LPXN: variants seen among roughly 807,000 people sequenced by gnomAD.
LPXN encodes leupaxin.
LPXN carries 28 observed loss-of-function variants against 45.6 expected under a neutral mutation model. The observed-to-expected ratio is 0.61, with a 90% CI of 0.45 to 0.84. The LOEUF (loss-of-function observed/expected upper bound fraction) is 0.84, where lower values mean the gene tolerates loss of function less well. Ranked by LOEUF, LPXN falls within the 40% of genes least tolerant of loss-of-function variation. LPXN has a pLI of 0.00. For missense variants in LPXN, 459 were observed against 475.0 expected, an observed-to-expected ratio of 0.97 and a Z score of 0.31; for synonymous variants, 166 against 169.9, an observed-to-expected ratio of 0.98 and a Z score of 0.18.
chr11:58,551,313 C>T (rs1854045971), intron 4 of LPXN, 81 bp from the exon 5 acceptor site: 1 of 1,191,592 alleles, frequency 8.4e-7, no homozygotes, highest in Non-Finnish European at 1.1e-6. Flanking sequence ...TATAAATTCA[C>T]CTCTACTGAC....
chr11:58,543,005 T>C (rs1422206934), intron 7 of LPXN, among the ~76,000 whole-genome samples: 1 of 152,176 alleles, frequency 6.6e-6, no homozygotes, highest in Non-Finnish European at 1.5e-5. Context: ...GAAACTCACT[T>C]CCCTGAGATA....
At position 58,540,028 on chromosome 11, in the gene LPXN, G is replaced by C. The variant is rs1329596427; in HGVS notation, c.742+9758C>G. ...CCAGTCATTATACACCTCTTGATGTGATTCAACAAGAAGTATACTGCACCC... is the reference window on the plus strand; with the variant it reads ...CCAGTCATTATACACCTCTTGATGTCATTCAACAAGAAGTATACTGCACCC... On this transcript the variant is annotated intron_variant, in intron 7 of 8. Coordinates refer to ENST00000395074, the MANE Select transcript of LPXN (RefSeq NM_004811.3). 2.0e-5 allele frequency among the ~76,000 whole-genome samples: 3 copies of C among 152,036 alleles called. No homozygotes were observed. The East Asian group carries it at 5.8e-4, about 29-fold the overall frequency.
rs1420699250 is a variant in LPXN, at chr11:58,570,671, C to T, written c.56G>A (p.Ser19Asn). 1.9e-6 allele frequency: 3 copies of T among 1,613,964 alleles called. No individual in the cohort carries two copies. The highest frequency in any genetic ancestry group is 2.5e-6 in the Non-Finnish European group (3 of 1,179,916). Residue 19 changes from serine (S) to asparagine (N), a missense_variant, in exon 2 of 9, where the codon AGT (serine) becomes AAT (asparagine). By Grantham distance (46) the Ser-to-Asn change is conservative. Transcript: ENST00000395074. ...EELERSTLQD[S>N]DEYSNPAPLP... is the part of the protein sequence containing the mutation. ...AGGAGCTGGGTTGGAATATTCATCA[C>T]TGTCCTGAAGGGTGGAGCGTTCCAG...
chr11:58,555,316 A>G (rs1288579384), intron 3 of LPXN, among the ~76,000 whole-genome samples: 1 of 152,226 alleles, frequency 6.6e-6, no homozygotes, highest in Non-Finnish European at 1.5e-5. Context: ...ACAGTTGGGT[A>G]GTTGCTACAA....
chr11:58,536,048 T>C (rs1220842177), intron 7 of LPXN, among the ~76,000 whole-genome samples: 2 of 152,202 alleles, frequency 1.3e-5, no homozygotes, highest in Non-Finnish European at 2.9e-5. Context: ...TGCTTCTGGA[T>C]AGGAAGAACC....
At chr11:58,577,360 G>A (rs1171643512), upstream of LPXN, among the ~76,000 whole-genome samples, 1 of 152,230 alleles carries the variant, frequency 6.6e-6, no homozygotes, top group Non-Finnish European at 1.5e-5. Flanking sequence ...CTAATATGAA[G>A]TGGTATCTGA....
upstream of LPXN, among the ~76,000 whole-genome samples, chr11:58,576,531 G>C (rs1854896840): frequency 6.6e-6 from 1 of 152,154 alleles, no homozygotes; most frequent in Non-Finnish European, 1.5e-5. Context: ...TAACACTGAG[G>C]TTAACTCTTC....
chr11:58,562,935 C>A (rs1261222861), intron 3 of LPXN, among the ~76,000 whole-genome samples: 3 of 152,040 alleles, frequency 2.0e-5, no homozygotes, highest in Non-Finnish European at 4.4e-5. Flanking sequence ...GGGGTCAGCT[C>A]CCCTGGAATA....
chr11:58,560,056 T>C (rs1854325821), intron 3 of LPXN, among the ~76,000 whole-genome samples: 1 of 152,216 alleles, frequency 6.6e-6, no homozygotes, highest in South Asian at 2.1e-4. Flanking sequence ...ATTTTCACCC[T>C]ATGTATACAT....
chr11:58,551,291 TTC>T, intron 4 of LPXN, 59 bp from the exon 5 acceptor site: 5 of 1,411,592 alleles, frequency 3.5e-6, no homozygotes, highest in Non-Finnish European at 3.8e-6. Flanking sequence ...CATTGGCATC[TTC>T]TAATGACTCT....
At chr11:58,529,180 A>T (rs1030868321) in intron 7 of LPXN, among the ~76,000 whole-genome samples, 6 of 152,220 alleles carry the variant, frequency 3.9e-5, no homozygotes, top group African/African-American at 1.4e-4. Flanking sequence ...GCTACATAAA[A>T]ATATATCTGA....
At chr11:58,535,244 C>T (rs2120212364) in intron 7 of LPXN, among the ~76,000 whole-genome samples, 1 of 152,290 alleles carries the variant, frequency 6.6e-6, no homozygotes, top group African/African-American at 2.4e-5. Context: ...GCCAATATCC[C>T]TGATGAACAT....
chr11:58,577,315 T>C (rs1418811050), upstream of LPXN, among the ~76,000 whole-genome samples: 1 of 152,078 alleles, frequency 6.6e-6, no homozygotes, highest in Admixed American at 6.5e-5. Flanking sequence ...CCTATGAAAA[T>C]GGAAAATACT....
At chr11:58,536,390 CA>C (rs1853554137) in intron 7 of LPXN, among the ~76,000 whole-genome samples, 1 of 152,098 alleles carries the variant, frequency 6.6e-6, no homozygotes, top group Non-Finnish European at 1.5e-5. Context: ...ACAAACTTGA[CA>C]AAAACAAGCA....
intron 7 of LPXN, among the ~76,000 whole-genome samples, chr11:58,540,454 A>G (rs1457507789): frequency 1.3e-5 from 2 of 152,196 alleles, no homozygotes; most frequent in African/African-American, 4.8e-5. Flanking sequence ...GCATAAAGGT[A>G]GTTTTTAAAA....
intron 7 of LPXN, among the ~76,000 whole-genome samples, chr11:58,543,778 G>C (rs1416950845): frequency 2.6e-5 from 4 of 152,158 alleles, no homozygotes; most frequent in Non-Finnish European, 4.4e-5. Context: ...TTGTAAATAT[G>C]AGAGTTCTAC....
rs1222628047 is a variant in LPXN at position 58,551,186 on chromosome 11, T to G, written c.365A>C (p.Gln122Pro). ...TGAGTCCAGGGAGGCCTTGTGATCC[T>G]GCTTGTCTGGTAAGTGCTTCTTGCC... ...DAGKKHLPDK[Q>P]DHKASLDSML... is the part of the protein sequence containing the mutation. Residue 122 changes from glutamine to proline, a missense_variant, in exon 5 of 9, where the codon CAG (glutamine) becomes CCG (proline). Gln to Pro is a moderately conservative substitution (Grantham distance 76). Transcript: ENST00000395074. The G allele has an allele frequency of 6.2e-7, 1 of 1,611,882 alleles. No individual in the cohort carries two copies. Among genetic ancestry groups the G allele is most frequent in the Non-Finnish European group, 8.5e-7 (1 of 1,179,074 alleles).
At chr11:58,574,149 C>A (rs907735908) in intron 1 of LPXN, among the ~76,000 whole-genome samples, 33 of 152,188 alleles carry the variant, frequency 2.2e-4, no homozygotes, top group African/African-American at 6.3e-4. Context: ...GGAGACGTAG[C>A]CAACTGGATA....
intron 7 of LPXN, among the ~76,000 whole-genome samples, chr11:58,534,413 C>T (rs11512828): frequency 0.054 from 8,193 of 152,196 alleles, 306 homozygotes; most frequent in Non-Finnish European, 0.082. Context: ...AAACCTGCTC[C>T]TGAACGACTA....
Sources: gnomAD v4.1 joint callset for allele counts (sites outside exome capture counted in the v4.1 genomes callset) on GRCh38, gnomAD v4.1.1 for gene constraint, MANE v1.5 for transcripts, NCBI Gene and HGNC (gene_info 2026-07-23, HGNC 2026-07-21) for gene names.